Variants in MTRFR observed in about 807,000 individuals in gnomAD.
The protein encoded by MTRFR is probable peptide chain release factor C12orf65, mitochondrial.
MTRFR carries 10 observed loss-of-function variants against 11.9 expected under a neutral mutation model. That is an observed-to-expected ratio of 0.84 (90% CI 0.52 to 1.42). The LOEUF (loss-of-function observed/expected upper bound fraction) is 1.42. MTRFR is among the 40% of genes most tolerant of loss of function. The probability of loss-of-function intolerance (pLI) is 0.00; values close to 1 mark genes in which losing one functional copy is unlikely to be tolerated. For missense variants in MTRFR, 196 were observed against 197.9 expected (o/e 0.99, Z 0.06); for synonymous variants, 77 against 79.1 (o/e 0.97, Z 0.14).
chr12:123,237,355 G>C (rs1048495556), intron 1 of MTRFR, among the ~76,000 whole-genome samples: 9 of 152,190 alleles, frequency 5.9e-5, no homozygotes, highest in Non-Finnish European at 1.3e-4. Flanking sequence ...ACTTGAACCT[G>C]GGAGGCAGAG....
chr12:123,238,821 C>T (rs937004073), intron 1 of MTRFR, among the ~76,000 whole-genome samples: 1 of 152,088 alleles, frequency 6.6e-6, no homozygotes. Flanking sequence ...GCTTTTGCCA[C>T]TATGTGGACC....
chr12:123,247,215 C>T (rs1025305355), intron 1 of MTRFR, among the ~76,000 whole-genome samples: 2 of 152,034 alleles, frequency 1.3e-5, no homozygotes, highest in African/African-American at 2.4e-5. Context: ...GTTGACTTTT[C>T]GTTTTGATGA....
At chr12:123,246,144 G>A (rs1232214514) in intron 1 of MTRFR, among the ~76,000 whole-genome samples, 2 of 152,010 alleles carry the variant, frequency 1.3e-5, no homozygotes, top group Non-Finnish European at 2.9e-5. Flanking sequence ...TGCAACCTCC[G>A]CCTCCCAGGT....
chr12:123,235,423 T>TGA (rs1215249720), intron 1 of MTRFR, among the ~76,000 whole-genome samples: 1 of 151,982 alleles, frequency 6.6e-6, no homozygotes, highest in Non-Finnish European at 1.5e-5. Context: ...TGTGTGTGTG[T>TGA]GACAGAGCTC....
intron 1 of MTRFR, among the ~76,000 whole-genome samples, chr12:123,237,827 T>C (rs1156700670): frequency 6.6e-6 from 1 of 152,122 alleles, no homozygotes; most frequent in Non-Finnish European, 1.5e-5. Flanking sequence ...GAGGATGAGC[T>C]AACAGGAGGA....
At chr12:123,252,900 G>A (rs1190284828) in intron 1 of MTRFR, among the ~76,000 whole-genome samples, 1 of 152,062 alleles carries the variant, frequency 6.6e-6, no homozygotes, top group Non-Finnish European at 1.5e-5. Context: ...ACTCCAGCCT[G>A]GGCGACAGAG....
intron 1 of MTRFR, among the ~76,000 whole-genome samples, chr12:123,237,050 A>G (rs1452903457): frequency 6.6e-6 from 1 of 152,160 alleles, no homozygotes; most frequent in Non-Finnish European, 1.5e-5. Context: ...GCGCCACTGC[A>G]GTCCAGGCTG....
chr12:123,238,418 C>T lies in MTRFR; in HGVS notation c.-29+4887C>T, dbSNP rs181102542. 1.9e-4 allele frequency among the ~76,000 whole-genome samples: 29 copies of T among 152,110 alleles called. No homozygotes were observed. The South Asian group carries it at 2.7e-3, about 14-fold the overall frequency. ...TCTCCTTCTTAAGGAAGAGACAAGA[C>T]GGAATAAGCAGGTAATCAGCCCTCC... On this transcript the variant is annotated intron_variant, in intron 1 of 2. Transcript: ENST00000253233.
chr12:123,253,682 C>A lies in MTRFR; in HGVS notation c.8C>A (p.Thr3Asn), dbSNP rs759071175. The change falls in exon 2 of 3, where the codon ACC becomes AAC. Residue 3 changes from threonine (T) to asparagine (N), a missense_variant. Thr to Asn is a moderately conservative substitution (Grantham distance 65, BLOSUM62 0). Coordinates refer to ENST00000253233, the MANE Select transcript of MTRFR (RefSeq NM_152269.5). MSTVGLFHFPTPL... is the reference protein window; with the variant it reads MSNVGLFHFPTPL... Reference sequence around the variant, plus strand: ...AGCAGAGCCACGTTCCTTATGAGCACCGTGGGTTTATTTCATTTTCCTACA... The same window carrying A: ...AGCAGAGCCACGTTCCTTATGAGCAACGTGGGTTTATTTCATTTTCCTACA... The A allele has an allele frequency of 6.2e-7, 1 of 1,614,160 alleles. No individual in the cohort carries two copies. The highest frequency in any genetic ancestry group is 1.1e-5 in the South Asian group (1 of 91,072).
At chr12:123,247,036 A>C (rs182058879) in intron 1 of MTRFR, among the ~76,000 whole-genome samples, 267 of 151,778 alleles carry the variant, frequency 1.8e-3, no homozygotes, top group African/African-American at 6.1e-3. Flanking sequence ...CCTAATTTCA[A>C]TTTTCTTAAA....
chr12:123,239,432 TTCAC>T (rs1339851972), intron 1 of MTRFR, among the ~76,000 whole-genome samples: 36 of 152,194 alleles, frequency 2.4e-4, no homozygotes, highest in African/African-American at 7.9e-4. Flanking sequence ...GAGACAGAGT[TTCAC>T]TCTGTTGCCA....
intron 2 of MTRFR, among the ~76,000 whole-genome samples, chr12:123,255,513 G>GT (rs1340282784): frequency 1.3e-5 from 2 of 151,952 alleles, no homozygotes; most frequent in Admixed American, 6.6e-5. Flanking sequence ...TTGGAGTGCA[G>GT]TGGTGCAATC....
rs575880594 is a variant in MTRFR, at chr12:123,233,514, G to C, written c.-46G>C. ...TATCCCTAGAACGTTGAGGGCACGA[G>C]TCGGGTCCTGAGACCAGGTAAGCAT... On this transcript the variant is annotated 5_prime_UTR_variant, in exon 1 of 3. Transcript: ENST00000253233. The C allele has an allele frequency of 1.3e-5, 2 of 152,280 alleles. No homozygotes were observed. Among genetic ancestry groups the C allele is most frequent in the Non-Finnish European group, 2.9e-5 (2 of 68,058 alleles). The allele number at this position is 152,280 out of a possible 1,614,324, so 9.4% of individuals were successfully genotyped here.
chr12:123,256,852 G>A lies in MTRFR; in HGVS notation c.322G>A (p.Ala108Thr). ...ATCAGTTGATCAGAACAGAAAGCTA[G>A]CTCGGAAAATCCTACAAGAGAAAGT... Reference protein sequence around the residue: ...TRSVDQNRKLARKILQEKVDV... With the variant: ...TRSVDQNRKLTRKILQEKVDV... Residue 108 changes from alanine (A) to threonine (T), a missense_variant, in exon 3 of 3, where the codon GCT (alanine) becomes ACT (threonine). Ala to Thr is a moderately conservative substitution (Grantham distance 58). Coordinates refer to ENST00000253233, the MANE Select transcript of MTRFR (RefSeq NM_152269.5). The A allele has an allele frequency of 6.2e-7, 1 of 1,613,856 alleles. No homozygotes were observed. The highest frequency in any genetic ancestry group is 1.1e-5 in the South Asian group (1 of 91,064).
Position 123,253,920 on chromosome 12 carries a change from G to A in MTRFR, c.246G>A (p.Val82=), listed in dbSNP as rs1593287730. Residue 82 remains valine (V), a synonymous_variant, in exon 2 of 3, where the codon GTG becomes GTA. Coordinates refer to ENST00000253233, the MANE Select transcript of MTRFR (RefSeq NM_152269.5). ...CAACCAACAAAACCAGCAACTGCGT[G>A]GTGCTGAAGCACATCCCCTCAGGCA... ...GQATNKTSNC[V]VLKHIPSGIV... is the part of the protein sequence containing the mutation. The A allele has an allele frequency of 5.0e-6, 8 of 1,614,178 alleles. No individual in the cohort carries two copies. Among genetic ancestry groups the A allele is most frequent in the Non-Finnish European group, 6.8e-6 (8 of 1,180,030 alleles).
intron 1 of MTRFR, among the ~76,000 whole-genome samples, chr12:123,244,445 A>C (rs1178799756): frequency 6.6e-6 from 1 of 151,210 alleles, no homozygotes; most frequent in Non-Finnish European, 1.5e-5. Context: ...AACAAAAAAC[A>C]AAAAAAAAGC....
chr12:123,245,388 T>G (rs1157558908), intron 1 of MTRFR, among the ~76,000 whole-genome samples: 2 of 152,198 alleles, frequency 1.3e-5, no homozygotes, highest in African/African-American at 4.8e-5. Context: ...CCGTATGAAT[T>G]TTAGATTTTT....
intron 1 of MTRFR, among the ~76,000 whole-genome samples, chr12:123,243,187 A>G (rs2047970508): frequency 6.6e-6 from 1 of 152,128 alleles, no homozygotes. Flanking sequence ...TTCAAAGTAT[A>G]TCCCTTCACA....
At chr12:123,246,426 T>C (rs1431644274) in intron 1 of MTRFR, among the ~76,000 whole-genome samples, 2 of 152,136 alleles carry the variant, frequency 1.3e-5, no homozygotes, top group Non-Finnish European at 2.9e-5. Context: ...TTGCATGTAT[T>C]TGCATTTTTT....
Sources: allele counts gnomAD v4.1 joint callset (sites outside exome capture counted in the v4.1 genomes callset), GRCh38; gene constraint gnomAD v4.1.1; transcripts MANE v1.5; gene names NCBI Gene and HGNC (gene_info 2026-07-23, HGNC 2026-07-21).